ZAN: variants seen among roughly 807,000 people sequenced by gnomAD.
ZAN encodes zonadhesin (gene/pseudogene).
A neutral mutation model predicts 286.2 loss-of-function variants in ZAN; 260 were observed. The observed-to-expected ratio is 0.91, with a 90% confidence interval of 0.82 to 1.01. The LOEUF (loss-of-function observed/expected upper bound fraction) is 1.01. Ranked by LOEUF, ZAN falls within the 50% of genes least tolerant of loss-of-function variation. The probability of loss-of-function intolerance (pLI) is 0.00; values close to 1 mark genes in which losing one functional copy is unlikely to be tolerated. For missense variants in ZAN, 3,410 were observed against 3,639.2 expected, an observed-to-expected ratio of 0.94 and a Z score of 1.62; for synonymous variants, 1,368 against 1,417.5, an observed-to-expected ratio of 0.97 and a Z score of 0.79.
chr7:100,758,093 T>TAAATAAAC, intron 15 of ZAN, 109 bp from the exon 16 acceptor site: 1 of 381,984 alleles, frequency 2.6e-6, no homozygotes, highest in African/African-American at 3.1e-5. Context: ...CACAAATAAA[T>TAAATAAAC]AAATAAATAA....
At chr7:100,762,412 G>GAA in intron 20 of ZAN, 54 bp downstream of exon 20, 1 of 1,316,702 alleles carries the variant, frequency 7.6e-7, no homozygotes, top group Non-Finnish European at 1.0e-6. Context: ...CCCCTTCCTG[G>GAA]AACTCTCTTT....
At chr7:100,793,246 G>A (rs533705337) in intron 42 of ZAN, among the ~76,000 whole-genome samples, 6 of 149,394 alleles carry the variant, frequency 4.0e-5, no homozygotes, top group Middle Eastern at 7.5e-3. Flanking sequence ...GGCTGAGGTG[G>A]GAGGATCATT....
At chr7:100,769,198 A>G (rs2720394) in intron 27 of ZAN, among the ~76,000 whole-genome samples, 1 of 152,008 alleles carries the variant, frequency 6.6e-6, no homozygotes, top group African/African-American at 2.4e-5. Context: ...GGTTCAAGTG[A>G]TTATCCTGCC....
intron 29 of ZAN, 84 bp downstream of exon 29, chr7:100,772,104 T>A: frequency 4.2e-6 from 6 of 1,417,716 alleles, no homozygotes. Flanking sequence ...ATTCTTTTTT[T>A]TTTTTTTGAG....
chr7:100,784,481 G>A (rs1036534875), intron 35 of ZAN, 142 bp from the exon 36 acceptor site: 31 of 795,940 alleles, frequency 3.9e-5, no homozygotes, highest in Non-Finnish European at 5.7e-5. Flanking sequence ...CTCAGTAAAT[G>A]TTTGCTGAAT....
Position 100,794,101 on chromosome 7 carries a change from T to C in ZAN, c.7987-19T>C. 1 of 1,613,942 alleles carries C rather than the reference T, an allele frequency of 6.2e-7. No individual in the cohort carries two copies. Among genetic ancestry groups the C allele is most frequent in the South Asian group, 1.1e-5 (1 of 91,076 alleles). On this transcript the variant is annotated intron_variant, in intron 43 of 47. Coordinates refer to ENST00000613979, the MANE Select transcript of ZAN (RefSeq NM_003386.3). ...GGGATGGAACTGGAACGTCTCCTCC[T>C]GGCCCTTCCCCTTTCTAGCTGGGCA... is the stretch of plus-strand genomic sequence containing the variant.
At chr7:100,754,206 C>T (rs991661299) in intron 14 of ZAN, among the ~76,000 whole-genome samples, 9 of 152,220 alleles carry the variant, frequency 5.9e-5, no homozygotes, top group African/African-American at 2.2e-4. Flanking sequence ...CGCCTGTAAT[C>T]CCAACACTTT....
In ZAN at chr7:100,752,154, C is replaced by T; in HGVS notation, c.2049C>T (p.Ser683=). Residue 683 remains serine (S), a synonymous_variant, in exon 14 of 48, where the codon AGC becomes AGT. Coordinates refer to ENST00000613979, the MANE Select transcript of ZAN (RefSeq NM_003386.3). Reference sequence around the variant, plus strand: ...CTGTCATCCCTACAGAAAAACCCAGCATCCCTACAGAAAAACCCAGCATCC... The same window carrying T: ...CTGTCATCCCTACAGAAAAACCCAGTATCCCTACAGAAAAACCCAGCATCC... ...EEPVIPTEKP[S]IPTEKPSIPT... is the part of the protein sequence containing the mutation. 6.2e-7 allele frequency: 1 copy of T among 1,611,564 alleles called. No homozygotes were observed. Among genetic ancestry groups the T allele is most frequent in the African/African-American group, 1.3e-5 (1 of 74,252 alleles).
Position 100,736,806 on chromosome 7 carries a change from C to A in ZAN, c.254-3C>A, listed in dbSNP as rs774485727. On this transcript the variant is annotated splice_region_variant and splice_polypyrimidine_tract_variant and intron_variant, in intron 4 of 47. Coordinates refer to ENST00000613979, the MANE Select transcript of ZAN (RefSeq NM_003386.3). ...TCAGTGTCTTGGGCTCTGCCTCCCC[C>A]AGAGGGCAGCTATCTGCATATGGAA... is the stretch of plus-strand genomic sequence containing the variant. The A allele has an allele frequency of 2.0e-6, 3 of 1,470,546 alleles. No homozygotes were observed. The highest frequency in any genetic ancestry group is 2.4e-5 in the East Asian group (1 of 41,418). The allele number at this position is 1,470,546 out of a possible 1,614,324, so 91.1% of individuals were successfully genotyped here. A position where few individuals can be genotyped will look rare whatever the true frequency, so the allele number is the denominator to read the frequency against.
intron 2 of ZAN, among the ~76,000 whole-genome samples, chr7:100,734,676 GA>G (rs1320007162): frequency 7.1e-6 from 1 of 140,128 alleles, no homozygotes; most frequent in Non-Finnish European, 1.6e-5. Flanking sequence ...CGGTGGGATG[GA>G]AATGGGTTGA....
In ZAN at chr7:100,765,519, T is replaced by C. The variant is rs1228471996; in HGVS notation, c.4435T>C (p.Cys1479Arg). The C allele has an allele frequency of 1.9e-6, 3 of 1,609,908 alleles. No individual in the cohort carries two copies. The highest frequency in any genetic ancestry group is 2.7e-5 in the African/African-American group (2 of 74,862). ...CCTCGAGTGCATACCTCGCTCCCAG[T>C]GTGGGTGCCTCCACCCTGCAGGCAG... ...SGLECIPRSQ[C>R]GCLHPAGSYF... is the part of the protein sequence containing the mutation. Residue 1479 changes from cysteine to arginine, a missense_variant, in exon 23 of 48, where the codon TGT becomes CGT. Around this residue, in one of 7 missense-constraint regions of ZAN, gnomAD observed 1,042 missense variants for 1,058.0 expected, o/e 0.98. Transcript: ENST00000613979.
rs891063709 is a variant in ZAN, at chr7:100,790,953, C to T, written c.7369C>T (p.Pro2457Ser). 2.5e-6 allele frequency: 4 copies of T among 1,611,662 alleles called. No individual in the cohort carries two copies. The African/African-American group carries it at 5.3e-5, about 22-fold the overall frequency. ...CCTTCCTCCCGCAGTGATCTCCCTA[C>T]CCAGCATGTACGAGGGGCTTGTGAG... ...GGRKNAVISL[P>S]SMYEGLVSGL... Residue 2457 changes from proline (P) to serine (S), a missense_variant, in exon 40 of 48, where the codon CCC (proline) becomes TCC (serine). Transcript: ENST00000613979.
intron 42 of ZAN, among the ~76,000 whole-genome samples, chr7:100,792,967 A>C (rs1812088908): frequency 7.0e-6 from 1 of 143,582 alleles, no homozygotes; most frequent in African/African-American, 2.6e-5. Context: ...TGGGCAACAG[A>C]GCAACATCCT....
In ZAN at chr7:100,752,268, A is replaced by C; in HGVS notation, c.2163A>C (p.Thr721=). 1 of 1,552,008 alleles carries C rather than the reference A, an allele frequency of 6.4e-7. No homozygotes were observed. Among genetic ancestry groups the C allele is most frequent in the South Asian group, 1.2e-5 (1 of 85,422 alleles). ...TISPEKPTIP[T]EKPTIPTEKS... is the part of the protein sequence containing the mutation. ...CCCCAGAAAAACCCACCATCCCCAC[A>C]GAAAAACCCACCATCCCCACAGAAA... Residue 721 remains threonine, a synonymous_variant, in exon 14 of 48, where the codon ACA becomes ACC. Transcript: ENST00000613979.
chr7:100,757,157 G>T (rs1809205157), intron 15 of ZAN, among the ~76,000 whole-genome samples: 1 of 151,620 alleles, frequency 6.6e-6, no homozygotes, highest in Admixed American at 6.6e-5. Flanking sequence ...TTGTTTTTTG[G>T]GGTTTTTTTT....
At chr7:100,783,718 C>T (rs1278804795) in intron 35 of ZAN, among the ~76,000 whole-genome samples, 1 of 104,588 alleles carries the variant, frequency 9.6e-6, no homozygotes, top group Non-Finnish European at 1.9e-5. Flanking sequence ...AGACTCCGTC[C>T]CTGCCCGTCC....
chr7:100,779,001 C>G (rs1811007260), intron 34 of ZAN, among the ~76,000 whole-genome samples: 1 of 152,064 alleles, frequency 6.6e-6, no homozygotes. Flanking sequence ...CCACTGAACT[C>G]CAGCCTGGGC....
At chr7:100,760,215 TAAAAAC>T (rs936034115) in intron 18 of ZAN, among the ~76,000 whole-genome samples, 170 bp from the exon 19 acceptor site, 1 of 151,966 alleles carries the variant, frequency 6.6e-6, no homozygotes, top group Admixed American at 6.6e-5. Flanking sequence ...CACTGTCTCC[TAAAAAC>T]AAAAACAAAA....
rs762868522 is a variant in ZAN at position 100,749,639 on chromosome 7, C to CAAA, written c.1250-975_1250-973dup. The stretch of plus-strand genomic sequence containing the variant: ...TGGGTGACAGAGTGAGACTCCGTCT[C>CAAA]AAAAAAAAAAAAATATATATATATA... On this transcript the variant is annotated intron_variant, in intron 11 of 47. Coordinates refer to ENST00000613979, the MANE Select transcript of ZAN (RefSeq NM_003386.3). Among the ~76,000 whole-genome samples, 586 of 66,824 alleles carry CAAA rather than the reference C, an allele frequency of 8.8e-3. 20 individuals carry two copies. Among genetic ancestry groups the CAAA allele is most frequent in the African/African-American group, 0.027 (497 of 18,164 alleles). 43.8% of individuals were successfully genotyped at this position (66,824 alleles called of 152,430 possible).
Sources: allele counts gnomAD v4.1 joint callset (sites outside exome capture counted in the v4.1 genomes callset), GRCh38; gene constraint gnomAD v4.1.1; regional missense constraint gnomAD v4.1.1; transcripts MANE v1.5; gene names NCBI Gene and HGNC (gene_info 2026-07-23, HGNC 2026-07-21).